HSDL2: variants seen among roughly 807,000 people sequenced by gnomAD.
HSDL2 encodes hydroxysteroid dehydrogenase like 2.
Under a neutral mutation model 46.3 loss-of-function variants are expected in HSDL2, and 27 were observed. The ratio of observed to expected loss-of-function variants is 0.58; its 90% confidence interval spans 0.43 to 0.80. The LOEUF is 0.80. Ranked by LOEUF, HSDL2 falls within the 30% of genes least tolerant of loss-of-function variation. The pLI, the probability that HSDL2 is intolerant of heterozygous loss-of-function variation, is 0.00. For missense variants in HSDL2, 451 were observed against 502.7 expected (o/e 0.90, Z 0.98); for synonymous variants, 153 against 163.6 (o/e 0.94, Z 0.50).
At chr9:112,389,269 G>A (rs1397989789) in intron 1 of HSDL2, among the ~76,000 whole-genome samples, 3 of 152,084 alleles carry the variant, frequency 2.0e-5, no homozygotes. Context: ...AGTGATCCCC[G>A]TCTTGGTCTC....
chr9:112,459,505 T>C lies in HSDL2; in HGVS notation c.1072T>C (p.Tyr358His). 6.2e-7 allele frequency: 1 copy of C among 1,613,922 alleles called. No individual in the cohort carries two copies. Among genetic ancestry groups the C allele is most frequent in the Non-Finnish European group, 8.5e-7 (1 of 1,179,778 alleles). Residue 358 changes from tyrosine (Y) to histidine (H), a missense_variant, in exon 10 of 11, where the codon TAT becomes CAT. By Grantham distance (83) the Tyr-to-His change is moderately conservative. Coordinates refer to ENST00000398805, the MANE Select transcript of HSDL2 (RefSeq NM_032303.5). ...GAAAAGCAAGGGTGGGAATGTCGGA[T>C]ATGGAGAGCCTTCTGATCAGGCAGA... Reference protein sequence around the residue: ...DLKSKGGNVGYGEPSDQADVV... With the variant: ...DLKSKGGNVGHGEPSDQADVV...
chr9:112,466,134 T>A (rs1208343624), intron 10 of HSDL2, among the ~76,000 whole-genome samples: 1 of 152,248 alleles, frequency 6.6e-6, no homozygotes, highest in Non-Finnish European at 1.5e-5. Flanking sequence ...GATTTGCATT[T>A]CTCTAATGAC....
chr9:112,393,327 C>T (rs1019653345), intron 1 of HSDL2, among the ~76,000 whole-genome samples: 5 of 152,220 alleles, frequency 3.3e-5, no homozygotes, highest in African/African-American at 7.2e-5. Flanking sequence ...GACCATTTCC[C>T]ATGACTCATC....
chr9:112,397,943 A>C (rs1454982049), intron 1 of HSDL2, among the ~76,000 whole-genome samples: 1 of 152,182 alleles, frequency 6.6e-6, no homozygotes, highest in Non-Finnish European at 1.5e-5. Flanking sequence ...GCACGACCGG[A>C]TAAGCCGACA....
intron 1 of HSDL2, among the ~76,000 whole-genome samples, chr9:112,402,652 G>GT (rs1197596200): frequency 1.3e-5 from 2 of 152,100 alleles, no homozygotes; most frequent in East Asian, 3.9e-4. Flanking sequence ...GCCGGGCGCG[G>GT]TGGCTCATGC....
At chr9:112,401,479 G>A (rs1831593292) in intron 1 of HSDL2, among the ~76,000 whole-genome samples, 1 of 146,834 alleles carries the variant, frequency 6.8e-6, no homozygotes. Flanking sequence ...GTAGCAGAGA[G>A]CTAATGTTTT....
chr9:112,418,662 G>A (rs966397252), intron 5 of HSDL2, among the ~76,000 whole-genome samples, 198 bp from the exon 6 acceptor site: 1 of 151,672 alleles, frequency 6.6e-6, no homozygotes, highest in African/African-American at 2.4e-5. Flanking sequence ...GTGTGCGTGG[G>A]TGTGTTGTAT....
At chr9:112,426,328 C>T (rs1481361284) in intron 6 of HSDL2, among the ~76,000 whole-genome samples, 4 of 151,160 alleles carry the variant, frequency 2.6e-5, no homozygotes, top group Non-Finnish European at 5.9e-5. Context: ...CTCTGTCTCC[C>T]GGGTTCAAGC....
Position 112,384,911 on chromosome 9 carries a change from C to G in HSDL2, c.17+4731C>G, listed in dbSNP as rs147849190. ...CATCGAAAGAAAAACAGGAACTTTG[C>G]AAATCTTACTAAATACAAGCATTGG... On this transcript the variant is annotated intron_variant, in intron 1 of 10. Coordinates refer to ENST00000398805, the MANE Select transcript of HSDL2 (RefSeq NM_032303.5). 1.4e-3 allele frequency among the ~76,000 whole-genome samples: 209 copies of G among 151,970 alleles called. 4 individuals are homozygous for G. Among genetic ancestry groups the G allele is most frequent in the East Asian group, 7.3e-3 (38 of 5,192 alleles).
At chr9:112,389,089 G>A (rs1831282013) in intron 1 of HSDL2, among the ~76,000 whole-genome samples, 1 of 151,704 alleles carries the variant, frequency 6.6e-6, no homozygotes, top group Non-Finnish European at 1.5e-5. Flanking sequence ...GTACAGTGGT[G>A]TAATCATGGC....
intron 10 of HSDL2, among the ~76,000 whole-genome samples, chr9:112,461,995 G>C (rs1833223970): frequency 6.6e-6 from 1 of 152,170 alleles, no homozygotes; most frequent in Non-Finnish European, 1.5e-5. Flanking sequence ...TATAGGTATG[G>C]TTTAGATCGG....
chr9:112,417,063 C>A, intron 5 of HSDL2, 119 bp downstream of exon 5: 1 of 459,252 alleles, frequency 2.2e-6, no homozygotes. Context: ...ATTTTCTATG[C>A]CAAGTCATTA....
chr9:112,399,930 G>A (rs559280505), intron 1 of HSDL2, among the ~76,000 whole-genome samples: 35 of 152,270 alleles, frequency 2.3e-4, no homozygotes, highest in African/African-American at 7.5e-4. Context: ...CTGAGGTGAC[G>A]TACATCCTCA....
intron 10 of HSDL2, among the ~76,000 whole-genome samples, chr9:112,467,355 G>A (rs993444743): frequency 1.3e-5 from 2 of 152,050 alleles, no homozygotes; most frequent in Non-Finnish European, 2.9e-5. Flanking sequence ...ATCTAGAATA[G>A]GTGCATCCAT....
In HSDL2 at chr9:112,470,653, G is replaced by A. The variant is rs897100207; in HGVS notation, c.*109G>A. On this transcript the variant is annotated 3_prime_UTR_variant, in exon 11 of 11. Transcript: ENST00000398805. ...CCTGTTATATTATAAGGATATGCAC[G>A]TTTGTTCTGGAAAAGATAGAATTTG... 5 of 587,258 alleles carry A rather than the reference G, an allele frequency of 8.5e-6. No homozygotes were observed. The highest frequency in any genetic ancestry group is 3.3e-5 in the Admixed American group (1 of 30,128). 36.4% of individuals were successfully genotyped at this position (587,258 alleles called of 1,614,324 possible).
intron 6 of HSDL2, among the ~76,000 whole-genome samples, chr9:112,430,173 C>A (rs1319490476): frequency 6.6e-6 from 1 of 151,910 alleles, no homozygotes; most frequent in African/African-American, 2.4e-5. Context: ...TAGGTTTGGC[C>A]TTTCTGAGAA....
intron 3 of HSDL2, among the ~76,000 whole-genome samples, chr9:112,406,633 G>C (rs1024636222): frequency 7.9e-5 from 12 of 151,994 alleles, no homozygotes; most frequent in African/African-American, 2.9e-4. Context: ...ACCATGCCCA[G>C]CTAATTTTTG....
intron 8 of HSDL2, among the ~76,000 whole-genome samples, chr9:112,442,320 C>T (rs547282592): frequency 5.2e-4 from 74 of 141,188 alleles, no homozygotes; most frequent in Non-Finnish European, 8.6e-4. Context: ...ATATTCTTTG[C>T]GTTTGGTTAA....
chr9:112,404,093 T>G lies in HSDL2; in HGVS notation c.116T>G (p.Ile39Ser), dbSNP rs1235405916. The G allele has an allele frequency of 2.5e-6, 4 of 1,614,192 alleles. No homozygotes were observed. The highest frequency in any genetic ancestry group is 3.4e-6 in the Non-Finnish European group (4 of 1,180,016). ...GCAAAGGATGGAGCAAATATTGTTATTGCTGCAAAGACCGCCCAGCCACAT... is the reference window on the plus strand; with the variant it reads ...GCAAAGGATGGAGCAAATATTGTTAGTGCTGCAAAGACCGCCCAGCCACAT... The part of the protein sequence containing the change: ...KAAKDGANIV[I>S]AAKTAQPHPK... The change falls in exon 2 of 11, where the codon ATT becomes AGT. Residue 39 changes from isoleucine to serine, a missense_variant. By Grantham distance (142) the Ile-to-Ser change is moderately radical. Transcript: ENST00000398805.
Sources: allele counts gnomAD v4.1 joint callset (sites outside exome capture counted in the v4.1 genomes callset), GRCh38; gene constraint gnomAD v4.1.1; transcripts MANE v1.5; gene names NCBI Gene and HGNC (gene_info 2026-07-23, HGNC 2026-07-21).